ACOXL: variants seen among roughly 807,000 people sequenced by gnomAD.
ACOXL encodes the protein acyl-CoA oxidase like, also known as acyl-coenzyme A oxidase-like protein.
Under a neutral mutation model 71.9 loss-of-function variants are expected in ACOXL, and 70 were observed. The observed-to-expected ratio is 0.97, with a 90% CI of 0.80 to 1.19. The LOEUF (loss-of-function observed/expected upper bound fraction) is 1.19. Ranked by LOEUF, ACOXL falls within the 50% of genes most tolerant of loss-of-function variation. The pLI is 0.00. For missense variants in ACOXL, 703 were observed against 736.3 expected (o/e 0.95, Z 0.52); for synonymous variants, 253 against 281.6 (o/e 0.90, Z 1.02).
intron 2 of ACOXL, among the ~76,000 whole-genome samples, chr2:110,782,175 C>A (rs1683419256): frequency 6.6e-6 from 1 of 152,158 alleles, no homozygotes; most frequent in Non-Finnish European, 1.5e-5. Flanking sequence ...TAAATGAAGG[C>A]AGCTATTGAT....
intron 10 of ACOXL, among the ~76,000 whole-genome samples, chr2:110,906,598 A>G (rs1410882054): frequency 6.6e-6 from 1 of 151,418 alleles, no homozygotes; most frequent in Non-Finnish European, 1.5e-5. Context: ...AAAAAAAAAA[A>G]AAAAAACCAA....
intron 1 of ACOXL, among the ~76,000 whole-genome samples, chr2:110,747,755 T>C (rs987415747): frequency 2.0e-5 from 3 of 151,904 alleles, no homozygotes; most frequent in African/African-American, 7.3e-5. Context: ...TGTTTTTGTG[T>C]TTTTTTTATG....
At chr2:111,100,422 A>C (rs1207967773) in intron 17 of ACOXL, 4 of 152,694 alleles carry the variant, frequency 2.6e-5, no homozygotes, top group Non-Finnish European at 4.4e-5. Flanking sequence ...TAAAATTAGC[A>C]GTATTGAAAA....
At chr2:110,983,959 C>T (rs2062824439) in intron 12 of ACOXL, among the ~76,000 whole-genome samples, 1 of 152,088 alleles carries the variant, frequency 6.6e-6, no homozygotes, top group Non-Finnish European at 1.5e-5. Flanking sequence ...AAGTGATTCT[C>T]CTGCTTCCCG....
At chr2:110,904,068 A>G (rs900929395) in intron 10 of ACOXL, among the ~76,000 whole-genome samples, 11 of 152,348 alleles carry the variant, frequency 7.2e-5, no homozygotes, top group East Asian at 3.9e-4. Flanking sequence ...CAGAGAGCAC[A>G]TCTGATGGGT....
intron 3 of ACOXL, among the ~76,000 whole-genome samples, chr2:110,786,616 G>A (rs1025168348): frequency 3.9e-5 from 6 of 152,178 alleles, no homozygotes; most frequent in Non-Finnish European, 7.3e-5. Context: ...GCAAGCCTCC[G>A]TGGATTGTGA....
chr2:110,879,745 G>A (rs888774496), intron 10 of ACOXL, among the ~76,000 whole-genome samples: 1 of 152,134 alleles, frequency 6.6e-6, no homozygotes, highest in Non-Finnish European at 1.5e-5. Flanking sequence ...GGGCAACTGA[G>A]GTTCCACCGG....
chr2:111,038,998 A>G (rs2065652993), intron 15 of ACOXL, among the ~76,000 whole-genome samples: 1 of 152,210 alleles, frequency 6.6e-6, no homozygotes, highest in South Asian at 2.1e-4. Context: ...AAATGTGGCC[A>G]TCTTCTTTAA....
chr2:111,065,170 A>C (rs1429855945), intron 16 of ACOXL, among the ~76,000 whole-genome samples: 1 of 152,240 alleles, frequency 6.6e-6, no homozygotes, highest in Non-Finnish European at 1.5e-5. Flanking sequence ...CAATGGATAA[A>C]AATAGGGAGT....
chr2:110,799,069 A>T lies in ACOXL; in HGVS notation c.516A>T (p.Gly172=). The T allele has an allele frequency of 4.3e-6, 7 of 1,613,890 alleles. No homozygotes were observed. The highest frequency in any genetic ancestry group is 5.9e-6 in the Non-Finnish European group (7 of 1,179,888). ...VRDENGSLYP[G]VTAIDMMYKE... ...ATGAAAACGGAAGCTTGTACCCAGG[A>T]GTCACAGCTATTGATATGATGTACA... Residue 172 remains glycine, a synonymous_variant, in exon 7 of 18, where the codon GGA becomes GGT. Transcript: ENST00000439055.
chr2:110,915,420 A>ATT (rs1558722050), intron 11 of ACOXL, among the ~76,000 whole-genome samples: 1 of 128,632 alleles, frequency 7.8e-6, no homozygotes, highest in African/African-American at 3.2e-5. Flanking sequence ...ATATATATAT[A>ATT]TATATATATT....
chr2:111,019,180 A>G (rs985442034), intron 14 of ACOXL, among the ~76,000 whole-genome samples: 1 of 152,234 alleles, frequency 6.6e-6, no homozygotes, highest in Non-Finnish European at 1.5e-5. Flanking sequence ...CTCCAAATGC[A>G]TGCTTTGGTG....
chr2:111,018,715 G>A (rs1307698044), intron 14 of ACOXL, among the ~76,000 whole-genome samples: 1 of 151,998 alleles, frequency 6.6e-6, no homozygotes, highest in African/African-American at 2.4e-5. Context: ...GGCTGGAGGG[G>A]GTGTTGGTGG....
chr2:110,944,086 C>T (rs2061003111), intron 12 of ACOXL, among the ~76,000 whole-genome samples: 1 of 152,068 alleles, frequency 6.6e-6, no homozygotes, highest in African/African-American at 2.4e-5. Context: ...TTGAGACAGT[C>T]TTGCTCTGTT....
chr2:110,933,316 C>T (rs572733484), intron 11 of ACOXL, among the ~76,000 whole-genome samples, 173 bp from the exon 12 acceptor site: 1 of 152,304 alleles, frequency 6.6e-6, no homozygotes, highest in East Asian at 1.9e-4. Flanking sequence ...CCACTGGTAG[C>T]GTTTTAACTA....
intron 2 of ACOXL, among the ~76,000 whole-genome samples, chr2:110,781,181 T>C (rs1351494656): frequency 6.6e-6 from 1 of 152,236 alleles, no homozygotes; most frequent in Non-Finnish European, 1.5e-5. Context: ...ACATAACTCA[T>C]GCGCTTAAGC....
chr2:110,867,078 A>G (rs1167691572), intron 10 of ACOXL, among the ~76,000 whole-genome samples: 1 of 152,014 alleles, frequency 6.6e-6, no homozygotes, highest in African/African-American at 2.4e-5. Context: ...TGAATGGAGG[A>G]GGGAAGGGAC....
At chr2:110,736,617 C>T (rs909282884) in intron 1 of ACOXL, among the ~76,000 whole-genome samples, 1 of 130,890 alleles carries the variant, frequency 7.6e-6, no homozygotes, top group Admixed American at 8.4e-5. Flanking sequence ...ATTTTGATTA[C>T]TCTTTTTTTT....
chr2:110,791,823 C>G (rs1350820021), intron 3 of ACOXL, among the ~76,000 whole-genome samples: 1 of 152,014 alleles, frequency 6.6e-6, no homozygotes. Context: ...ATGCAGTGAC[C>G]CCAGGAAAAA....
Sources: allele counts gnomAD v4.1 joint callset (sites outside exome capture counted in the v4.1 genomes callset), GRCh38; gene constraint gnomAD v4.1.1; transcripts MANE v1.5; gene names NCBI Gene and HGNC (gene_info 2026-07-23, HGNC 2026-07-21).